PSMD14: variants seen among roughly 807,000 people sequenced by gnomAD.
PSMD14 encodes the protein ubiquitin C-terminal hydrolase PSMD14.
Under a neutral mutation model 41.2 loss-of-function variants are expected in PSMD14, and 7 were observed. That is an observed-to-expected ratio of 0.17 (90% CI 0.10 to 0.32). PSMD14 has a LOEUF of 0.32. Ranked by LOEUF, PSMD14 falls within the 10% of genes least tolerant of loss-of-function variation. The pLI is 1.00. For synonymous variants in PSMD14, 114 were observed against 122.3 expected, an observed-to-expected ratio of 0.93 and a Z score of 0.45; for missense variants, 139 against 375.6, an observed-to-expected ratio of 0.37 and a Z score of 5.21.
At chr2:161,342,558 C>G (rs1574122899) in intron 3 of PSMD14, among the ~76,000 whole-genome samples, 1 of 151,768 alleles carries the variant, frequency 6.6e-6, no homozygotes, top group Middle Eastern at 3.4e-3. Context: ...CTTTATTTAA[C>G]CTATTTGAAA....
At chr2:161,309,252 A>G (rs1689060431) in intron 1 of PSMD14, among the ~76,000 whole-genome samples, 1 of 152,218 alleles carries the variant, frequency 6.6e-6, no homozygotes, top group Non-Finnish European at 1.5e-5. Context: ...ACATCTTGCA[A>G]CTTAATTTTC....
At chr2:161,323,940 C>CA (rs11429061) in intron 3 of PSMD14, among the ~76,000 whole-genome samples, 139,004 of 152,234 alleles carry the variant, frequency 0.91, 63,512 homozygotes, top group East Asian at 1. Flanking sequence ...GTCTTTATAA[C>CA]AACTCCACCT....
At chr2:161,382,782 A>G (rs994684389) in intron 7 of PSMD14, 1 of 151,864 alleles carries the variant, frequency 6.6e-6, no homozygotes, top group Admixed American at 6.6e-5. Context: ...TTTATAAGAT[A>G]TAAACTGAAC....
At chr2:161,369,054 A>C (rs964759173) in intron 5 of PSMD14, among the ~76,000 whole-genome samples, 1 of 152,036 alleles carries the variant, frequency 6.6e-6, no homozygotes, top group African/African-American at 2.4e-5. Context: ...TTTAGATTTA[A>C]ATCTTAGACT....
Position 161,410,271 on chromosome 2 carries a change from A to G in PSMD14, c.835-1031A>G, listed in dbSNP as rs1045962424. Among the ~76,000 whole-genome samples, 13 of 152,014 alleles carry G rather than the reference A, an allele frequency of 8.6e-5. No individual in the cohort carries two copies. The East Asian group carries it at 2.1e-3, about 25-fold the overall frequency. ...TGAAATAAAAAATATATTGTAGTCTAGTCACTTAATTATTTGTAACATGTT... is the reference window on the plus strand; with the variant it reads ...TGAAATAAAAAATATATTGTAGTCTGGTCACTTAATTATTTGTAACATGTT... On this transcript the variant is annotated intron_variant, in intron 11 of 11. Coordinates refer to ENST00000409682, the MANE Select transcript of PSMD14 (RefSeq NM_005805.6).
chr2:161,401,018 A>G (rs555233185), intron 10 of PSMD14, among the ~76,000 whole-genome samples: 1 of 152,348 alleles, frequency 6.6e-6, no homozygotes, highest in South Asian at 2.1e-4. Flanking sequence ...CTCAGTTAAG[A>G]AAGTTGAATT....
intron 3 of PSMD14, among the ~76,000 whole-genome samples, chr2:161,363,419 T>A (rs146025124): frequency 1.3e-5 from 2 of 152,342 alleles, no homozygotes; most frequent in African/African-American, 4.8e-5. Flanking sequence ...ACTTTTACCC[T>A]TGTTTCTCCT....
At chr2:161,390,986 A>C in intron 8 of PSMD14, 118 bp from the exon 9 acceptor site, 3 of 923,938 alleles carry the variant, frequency 3.2e-6, no homozygotes, top group Non-Finnish European at 4.4e-6. Context: ...TACTTGAAAT[A>C]AAATGCCTTT....
At chr2:161,309,127 A>G (rs528139638) in intron 1 of PSMD14, among the ~76,000 whole-genome samples, 2 of 152,252 alleles carry the variant, frequency 1.3e-5, no homozygotes, top group Non-Finnish European at 1.5e-5. Context: ...TCTTAAAAAC[A>G]AAGTGTGCTA....
chr2:161,394,052 C>A (rs1683756643), intron 9 of PSMD14, among the ~76,000 whole-genome samples: 1 of 139,070 alleles, frequency 7.2e-6, no homozygotes, highest in African/African-American at 2.7e-5. Context: ...CTCACTGCAA[C>A]CTCCGTCTCC....
chr2:161,407,888 T>C (rs1683973468), intron 10 of PSMD14: 1 of 152,084 alleles, frequency 6.6e-6, no homozygotes, highest in East Asian at 1.9e-4. Flanking sequence ...GATTAAAAGT[T>C]CACCTGATAC....
intron 3 of PSMD14, among the ~76,000 whole-genome samples, chr2:161,320,134 A>G (rs1347824172): frequency 6.6e-6 from 1 of 152,236 alleles, no homozygotes; most frequent in Non-Finnish European, 1.5e-5. Context: ...AATAGTGTTC[A>G]GGCATGTGAA....
intron 9 of PSMD14, among the ~76,000 whole-genome samples, chr2:161,393,137 G>A (rs763575946): frequency 6.6e-6 from 1 of 152,080 alleles, no homozygotes; most frequent in African/African-American, 2.4e-5. Context: ...AGCCTTACTC[G>A]AGGGTCGCAA....
chr2:161,391,401 G>A (rs957886472), intron 9 of PSMD14, among the ~76,000 whole-genome samples: 1 of 152,034 alleles, frequency 6.6e-6, no homozygotes, highest in Admixed American at 6.6e-5. Flanking sequence ...AGAGGAAGTA[G>A]GAAATAAATC....
chr2:161,409,022 A>C, intron 11 of PSMD14, 123 bp downstream of exon 11: 1 of 675,340 alleles, frequency 1.5e-6, no homozygotes, highest in South Asian at 2.1e-5. Flanking sequence ...TGTCATGTAA[A>C]TGTGATACTA....
chr2:161,349,972 A>C (rs181475091), intron 3 of PSMD14, among the ~76,000 whole-genome samples: 10 of 152,344 alleles, frequency 6.6e-5, no homozygotes, highest in African/African-American at 2.2e-4. Context: ...TGAGATGTAG[A>C]TTTAATTTGT....
intron 3 of PSMD14, among the ~76,000 whole-genome samples, chr2:161,362,381 C>T (rs1683300982): frequency 6.6e-6 from 1 of 152,120 alleles, no homozygotes; most frequent in Non-Finnish European, 1.5e-5. Context: ...GGATTCGGAT[C>T]CTGATTATTT....
chr2:161,356,485 C>G (rs1683199419), intron 3 of PSMD14, among the ~76,000 whole-genome samples: 1 of 151,822 alleles, frequency 6.6e-6, no homozygotes, highest in Admixed American at 6.6e-5. Context: ...GTGGTTTCAT[C>G]AGAATTTTTG....
chr2:161,320,289 A>ATTT (rs1444491432), intron 3 of PSMD14, among the ~76,000 whole-genome samples: 1 of 152,208 alleles, frequency 6.6e-6, no homozygotes, highest in Non-Finnish European at 1.5e-5. Context: ...GATACAATAA[A>ATTT]TTACCCATCT....
Sources: allele counts gnomAD v4.1 joint callset (sites outside exome capture counted in the v4.1 genomes callset), GRCh38; gene constraint gnomAD v4.1.1; transcripts MANE v1.5; gene names NCBI Gene and HGNC (gene_info 2026-07-23, HGNC 2026-07-21).